Variants in TAFA1 observed in about 807,000 individuals in gnomAD.
TAFA1 encodes the protein chemokine-like protein TAFA-1.
TAFA1 carries 4 observed loss-of-function variants against 18.5 expected under a neutral mutation model. The observed-to-expected ratio is 0.22, with a 90% confidence interval of 0.11 to 0.49. TAFA1 has a LOEUF of 0.49. TAFA1 is among the 20% of genes least tolerant of loss of function. TAFA1 has a pLI of 0.98. For missense variants in TAFA1, 147 were observed against 169.0 expected, an observed-to-expected ratio of 0.87 and a Z score of 0.72; for synonymous variants, 56 against 55.2, an observed-to-expected ratio of 1.01 and a Z score of -0.06.
intron 3 of TAFA1, among the ~76,000 whole-genome samples, chr3:68,520,322 T>C (rs2106749131): frequency 6.6e-6 from 1 of 152,340 alleles, no homozygotes; most frequent in South Asian, 2.1e-4. Flanking sequence ...GAAAATGATT[T>C]TAAAAGAACA....
chr3:68,239,576 A>G (rs1056496279), intron 2 of TAFA1, among the ~76,000 whole-genome samples: 2 of 152,158 alleles, frequency 1.3e-5, no homozygotes, highest in Non-Finnish European at 2.9e-5. Flanking sequence ...TGATGATGAT[A>G]TTACTAGCAT....
intron 2 of TAFA1, among the ~76,000 whole-genome samples, chr3:68,045,450 T>A (rs183129491): frequency 5.3e-4 from 80 of 152,310 alleles, no homozygotes; most frequent in Non-Finnish European, 7.6e-4. Flanking sequence ...CCATAGTTAG[T>A]ATTATAGAAA....
chr3:68,144,093 C>T (rs1377553430), intron 2 of TAFA1, among the ~76,000 whole-genome samples: 14 of 151,848 alleles, frequency 9.2e-5, no homozygotes, highest in Non-Finnish European at 1.5e-4. Context: ...ATTTAAGGGC[C>T]GTGGGAAAAT....
chr3:68,427,555 C>T (rs1026236851), intron 3 of TAFA1, among the ~76,000 whole-genome samples: 5 of 151,922 alleles, frequency 3.3e-5, no homozygotes, highest in African/African-American at 1.2e-4. Context: ...CCTTCTGGGA[C>T]CTGTATATAA....
At chr3:68,021,951 T>A (rs896448866) in intron 2 of TAFA1, among the ~76,000 whole-genome samples, 8 of 152,188 alleles carry the variant, frequency 5.3e-5, no homozygotes, top group African/African-American at 1.9e-4. Flanking sequence ...AACTTTATTA[T>A]CTCTTTTTTA....
chr3:68,011,866 C>T (rs1559701184), intron 2 of TAFA1, among the ~76,000 whole-genome samples: 1 of 152,200 alleles, frequency 6.6e-6, no homozygotes, highest in South Asian at 2.1e-4. Flanking sequence ...ATATCAAAGC[C>T]AAATACAGAT....
At chr3:68,350,099 G>A (rs1340696854) in intron 2 of TAFA1, among the ~76,000 whole-genome samples, 4 of 152,108 alleles carry the variant, frequency 2.6e-5, no homozygotes, top group Non-Finnish European at 5.9e-5. Context: ...AGTAGCAAAT[G>A]TTATCTTAAA....
chr3:68,085,063 T>G (rs2064954702), intron 2 of TAFA1, among the ~76,000 whole-genome samples: 1 of 152,192 alleles, frequency 6.6e-6, no homozygotes, highest in African/African-American at 2.4e-5. Flanking sequence ...AATGAAACAC[T>G]TTGGGGTTAC....
At chr3:68,008,155 A>G (rs1425519921) in intron 2 of TAFA1, among the ~76,000 whole-genome samples, 2 of 152,204 alleles carry the variant, frequency 1.3e-5, no homozygotes, top group Non-Finnish European at 2.9e-5. Context: ...GCAGGTGGGC[A>G]GGGAAACCGC....
At chr3:68,061,238 T>C (rs1279044381) in intron 2 of TAFA1, among the ~76,000 whole-genome samples, 1 of 152,134 alleles carries the variant, frequency 6.6e-6, no homozygotes. Context: ...GAAAAGGAGA[T>C]TTATTAAGTG....
intron 2 of TAFA1, among the ~76,000 whole-genome samples, chr3:68,126,525 C>T (rs189137409): frequency 1.1e-3 from 172 of 152,292 alleles, no homozygotes; most frequent in African/African-American, 4.0e-3. Flanking sequence ...TGTTGATTCT[C>T]TATCTTTTCA....
chr3:68,302,595 A>G lies in TAFA1; in HGVS notation c.119-114685A>G, dbSNP rs143340425. ...TGTTCTCTTATTCATAAAAGTTCCA[A>G]GAGAATGGAGTACTTGTCTTTTCCA... On this transcript the variant is annotated intron_variant, in intron 2 of 4. Transcript: ENST00000478136. 1.3e-3 allele frequency among the ~76,000 whole-genome samples: 193 copies of G among 152,058 alleles called. 2 individuals carry two copies. In the East Asian group the frequency reaches 0.032, roughly 25 times the overall value.
intron 2 of TAFA1, among the ~76,000 whole-genome samples, chr3:68,036,085 A>T (rs1705041158): frequency 6.6e-6 from 1 of 152,168 alleles, no homozygotes; most frequent in Non-Finnish European, 1.5e-5. Flanking sequence ...ACATATTGGG[A>T]TACTGGCTGT....
At chr3:68,253,620 A>G (rs930213192) in intron 2 of TAFA1, among the ~76,000 whole-genome samples, 5 of 152,192 alleles carry the variant, frequency 3.3e-5, no homozygotes, top group African/African-American at 1.2e-4. Context: ...ATGGTGATGC[A>G]TGGCAGGTGA....
At chr3:68,411,529 A>G (rs986364400) in intron 2 of TAFA1, among the ~76,000 whole-genome samples, 2 of 152,228 alleles carry the variant, frequency 1.3e-5, no homozygotes, top group African/African-American at 4.8e-5. Context: ...CCTAGCCTTT[A>G]GTTAATAATG....
At chr3:68,169,426 A>G (rs2066024625) in intron 2 of TAFA1, among the ~76,000 whole-genome samples, 4 of 152,232 alleles carry the variant, frequency 2.6e-5, no homozygotes, top group Admixed American at 2.6e-4. Flanking sequence ...GGAAACCTGA[A>G]CTGGAGTCTC....
chr3:68,235,565 A>T (rs769006814), intron 2 of TAFA1, among the ~76,000 whole-genome samples: 5 of 152,166 alleles, frequency 3.3e-5, no homozygotes, highest in Non-Finnish European at 5.9e-5. Context: ...GTATTGGCTC[A>T]ATTTCTATTT....
At chr3:68,159,369 A>T (rs1473675215) in intron 2 of TAFA1, among the ~76,000 whole-genome samples, 1 of 152,184 alleles carries the variant, frequency 6.6e-6, no homozygotes, top group East Asian at 1.9e-4. Context: ...TGAAAAAAAT[A>T]GTTCTTCGTG....
At chr3:68,106,413 G>A (rs1043540641) in intron 2 of TAFA1, among the ~76,000 whole-genome samples, 3 of 152,068 alleles carry the variant, frequency 2.0e-5, no homozygotes. Context: ...AGGAACTAAA[G>A]TTTTAATTTA....
Sources: allele counts gnomAD v4.1 joint callset (sites outside exome capture counted in the v4.1 genomes callset), GRCh38; gene constraint gnomAD v4.1.1; transcripts MANE v1.5; gene names NCBI Gene and HGNC (gene_info 2026-07-23, HGNC 2026-07-21).